Variants in CEP135 observed in about 807,000 individuals in gnomAD.
The protein encoded by CEP135 is centrosomal protein 135, also known as centrosomal protein of 135 kDa.
In CEP135, 142 loss-of-function variants were observed where a neutral mutation model predicts 157.3. That is an observed-to-expected ratio of 0.90 (90% CI 0.79 to 1.04). The LOEUF (loss-of-function observed/expected upper bound fraction) is 1.04. Ranked by LOEUF, CEP135 falls within the 50% of genes least tolerant of loss-of-function variation. CEP135 has a pLI of 0.00. For missense variants in CEP135, 1,317 were observed against 1,309.2 expected, an observed-to-expected ratio of 1.01 and a Z score of -0.09; for synonymous variants, 396 against 439.8, an observed-to-expected ratio of 0.90 and a Z score of 1.25.
chr4:55,986,196 G>A (rs962661896), intron 14 of CEP135, among the ~76,000 whole-genome samples: 15 of 152,246 alleles, frequency 9.9e-5, no homozygotes, highest in African/African-American at 3.1e-4. Context: ...CATATTGTAA[G>A]CTCTTAGTAG....
intron 12 of CEP135, among the ~76,000 whole-genome samples, chr4:55,980,867 T>A (rs1165713352): frequency 6.6e-6 from 1 of 152,184 alleles, no homozygotes; most frequent in Non-Finnish European, 1.5e-5. Context: ...AAGTTAAAGG[T>A]CACGTTGAAA....
chr4:55,981,844 A>G (rs555002264), intron 13 of CEP135, among the ~76,000 whole-genome samples: 2 of 152,310 alleles, frequency 1.3e-5, no homozygotes, highest in African/African-American at 4.8e-5. Flanking sequence ...AACCCATCAT[A>G]AGTAAAAAAT....
In CEP135 at chr4:56,011,503, A is replaced by G; in HGVS notation, c.2597A>G (p.Glu866Gly). Residue 866 changes from glutamate to glycine, a missense_variant, in exon 20 of 26, where the codon GAG becomes GGG. Glu to Gly is a moderately conservative substitution (Grantham distance 98). Coordinates refer to ENST00000257287, the MANE Select transcript of CEP135 (RefSeq NM_025009.5). The stretch of plus-strand genomic sequence containing the variant: ...TACATAACAGAGGTGTCACGATGGG[A>G]GAGCTTAATGGCTGCCAAGGTGAAA... Reference protein sequence around the residue: ...HKYITEVSRWESLMAAKEKEN... With the variant: ...HKYITEVSRWGSLMAAKEKEN... 1 of 1,608,632 alleles carries G rather than the reference A, an allele frequency of 6.2e-7. No individual in the cohort carries two copies. Among genetic ancestry groups the G allele is most frequent in the Middle Eastern group, 1.7e-4 (1 of 6,058 alleles).
intron 25 of CEP135, among the ~76,000 whole-genome samples, chr4:56,031,115 C>A (rs749531933): frequency 1.3e-5 from 2 of 151,736 alleles, no homozygotes; most frequent in African/African-American, 4.8e-5. Flanking sequence ...CTGGGCAACA[C>A]GGCAAGACCC....
Position 55,974,940 on chromosome 4 carries a change from A to C in CEP135, c.1444A>C (p.Lys482Gln), listed in dbSNP as rs748200077. The change falls in exon 11 of 26, where the codon AAA (lysine) becomes CAA (glutamine). Residue 482 changes from lysine to glutamine, a missense_variant. Physicochemically the swap from Lys to Gln is moderately conservative, Grantham distance 53. Coordinates refer to ENST00000257287, the MANE Select transcript of CEP135 (RefSeq NM_025009.5). Reference protein sequence around the residue: ...SCSTSYSAREKSSIFRTPEKG... With the variant: ...SCSTSYSAREQSSIFRTPEKG... Reference sequence around the variant, plus strand: ...CTCTACAAGTTATAGCGCACGTGAAAAAAGTTCAATATTTAGAACACCAGA... The same window carrying C: ...CTCTACAAGTTATAGCGCACGTGAACAAAGTTCAATATTTAGAACACCAGA... 6.2e-7 allele frequency: 1 copy of C among 1,606,364 alleles called. No individual in the cohort carries two copies. The highest frequency in any genetic ancestry group is 8.5e-7 in the Non-Finnish European group (1 of 1,175,360).
At chr4:56,023,862 ATATT>A (rs1731060530) in intron 24 of CEP135, among the ~76,000 whole-genome samples, 1 of 138,294 alleles carries the variant, frequency 7.2e-6, no homozygotes, top group South Asian at 2.2e-4. Context: ...TAGTACTTAT[ATATT>A]ATATAATATA....
chr4:55,968,996 C>G, intron 8 of CEP135, 67 bp from the exon 9 acceptor site: 1 of 1,177,608 alleles, frequency 8.5e-7, no homozygotes, highest in Non-Finnish European at 1.2e-6. Context: ...ATTACTTGAT[C>G]TATTTGCATA....
intron 14 of CEP135, among the ~76,000 whole-genome samples, chr4:55,986,312 C>T (rs1379649987): frequency 6.6e-6 from 1 of 152,100 alleles, no homozygotes; most frequent in Non-Finnish European, 1.5e-5. Context: ...CAAGGTGAGG[C>T]AGGTGGATCA....
At chr4:55,955,248 G>C (rs1238408359) in intron 4 of CEP135, among the ~76,000 whole-genome samples, 2 of 152,188 alleles carry the variant, frequency 1.3e-5, no homozygotes, top group Admixed American at 6.5e-5. Flanking sequence ...GGATTATGAG[G>C]CTAGGTCAAG....
chr4:55,977,464 C>T (rs1191421234), intron 11 of CEP135, among the ~76,000 whole-genome samples: 1 of 152,134 alleles, frequency 6.6e-6, no homozygotes, highest in African/African-American at 2.4e-5. Flanking sequence ...TACCTAACTT[C>T]ATGGAACCCT....
At chr4:56,020,608 A>C in intron 23 of CEP135, 68 bp from the exon 24 acceptor site, 2 of 1,281,266 alleles carry the variant, frequency 1.6e-6, no homozygotes, top group Non-Finnish European at 1.1e-6. Flanking sequence ...TATTAATTTA[A>C]AAAACCCACA....
chr4:55,955,334 G>A (rs535509732), intron 4 of CEP135, among the ~76,000 whole-genome samples: 113 of 152,304 alleles, frequency 7.4e-4, no homozygotes, highest in Non-Finnish European at 8.7e-4. Flanking sequence ...GAATTTTGGA[G>A]TTGAAGAACT....
intron 5 of CEP135, among the ~76,000 whole-genome samples, chr4:55,958,821 C>T (rs1430576270): frequency 4.6e-5 from 7 of 152,142 alleles, no homozygotes; most frequent in African/African-American, 1.2e-4. Context: ...CTGTGGTTCA[C>T]GCCTGTAATC....
intron 9 of CEP135, among the ~76,000 whole-genome samples, chr4:55,969,636 C>A (rs1728959713): frequency 6.6e-6 from 1 of 151,982 alleles, no homozygotes. Flanking sequence ...ATGAGTACTT[C>A]ATTCCTTCTT....
intron 11 of CEP135, among the ~76,000 whole-genome samples, chr4:55,975,599 A>C (rs962164142): frequency 3.9e-5 from 6 of 152,216 alleles, no homozygotes; most frequent in African/African-American, 1.4e-4. Flanking sequence ...GATTAAAATC[A>C]TGTGTCTCTA....
Position 56,024,603 on chromosome 4 carries a change from A to G in CEP135, c.3423A>G (p.Ter1141=), listed in dbSNP as rs112623651. 6.2e-7 allele frequency: 1 copy of G among 1,602,162 alleles called. No homozygotes were observed. Among genetic ancestry groups the G allele is most frequent in the Non-Finnish European group, 8.6e-7 (1 of 1,169,244 alleles). ...ATTCTCCTGAACATAGAAATGTGTA[A>G]TTATCAGAAAGGTATGTATGTAACA... is the stretch of plus-strand genomic sequence containing the variant. ...PSHSPEHRNV[*] Residue 1141 remains the stop codon, a stop_retained_variant, in exon 25 of 26, where the codon TAA becomes TAG. Coordinates refer to ENST00000257287, the MANE Select transcript of CEP135 (RefSeq NM_025009.5).
At chr4:55,999,927 C>T (rs1175290109) in intron 17 of CEP135, among the ~76,000 whole-genome samples, 1 of 152,214 alleles carries the variant, frequency 6.6e-6, no homozygotes, top group African/African-American at 2.4e-5. Flanking sequence ...TGGTGGCTCA[C>T]ACCTGCAATC....
intron 24 of CEP135, among the ~76,000 whole-genome samples, chr4:56,021,164 T>C (rs1248240243): frequency 6.6e-6 from 1 of 152,162 alleles, no homozygotes; most frequent in Non-Finnish European, 1.5e-5. Context: ...AGCTCCAAAA[T>C]GTATGGTTCA....
At chr4:55,953,305 G>T (rs1477586450) in intron 3 of CEP135, 30 bp downstream of exon 3, 1 of 1,410,740 alleles carries the variant, frequency 7.1e-7, no homozygotes, top group Admixed American at 2.6e-5. Flanking sequence ...TTTTTAAAAT[G>T]CAATGTCTTT....
Sources: allele counts gnomAD v4.1 joint callset (sites outside exome capture counted in the v4.1 genomes callset), GRCh38; gene constraint gnomAD v4.1.1; transcripts MANE v1.5; gene names NCBI Gene and HGNC (gene_info 2026-07-23, HGNC 2026-07-21).